NUDT13: variants seen among roughly 807,000 people sequenced by gnomAD.
NUDT13 encodes NAD(P)H pyrophosphatase NUDT13, mitochondrial.
Under a neutral mutation model 41.7 loss-of-function variants are expected in NUDT13, and 40 were observed. That is an observed-to-expected ratio of 0.96 (90% CI 0.75 to 1.25). The LOEUF (loss-of-function observed/expected upper bound fraction) is 1.25. Among genes scored for constraint, NUDT13 ranks in the 50% most tolerant of loss-of-function variants. NUDT13 has a pLI of 0.00. For synonymous variants in NUDT13, 145 were observed against 155.5 expected (o/e 0.93, Z 0.50); for missense variants, 390 against 416.1 (o/e 0.94, Z 0.55).
chr10:73,114,952 A>G (rs1039413273), intron 2 of NUDT13: 17 of 152,138 alleles, frequency 1.1e-4, no homozygotes, highest in African/African-American at 4.1e-4. Context: ...AGATTTCTAC[A>G]TGGTTGTCAA....
At chr10:73,129,220 T>C (rs1842860072) in intron 8 of NUDT13, among the ~76,000 whole-genome samples, 1 of 146,318 alleles carries the variant, frequency 6.8e-6, no homozygotes, top group Non-Finnish European at 1.5e-5. Context: ...TCGCCCAGGC[T>C]GGAGTGCAGT....
intron 2 of NUDT13, among the ~76,000 whole-genome samples, chr10:73,116,648 G>A (rs1239724022): frequency 1.3e-5 from 2 of 151,898 alleles, no homozygotes; most frequent in African/African-American, 4.8e-5. Flanking sequence ...AGGCTGAGGT[G>A]GGAGAGTCGC....
intron 8 of NUDT13, chr10:73,130,490 A>G (rs113243973): frequency 9.1e-6 from 3 of 329,342 alleles, no homozygotes; most frequent in African/African-American, 6.7e-5. Context: ...ATATATATAC[A>G]CACACACACA....
chr10:73,122,277 A>G lies in NUDT13; in HGVS notation c.326A>G (p.Asp109Gly). The G allele has an allele frequency of 6.2e-7, 1 of 1,614,082 alleles. No homozygotes were observed. Among genetic ancestry groups the G allele is most frequent in the South Asian group, 1.1e-5 (1 of 91,070 alleles). ...SEQQEAWFAL[D>G]LGLDSSFSIS... ...CAGCAGGAAGCATGGTTTGCTCTGG[A>G]TCTAGGTCTGGATAGCTCCTTTTCC... The change falls in exon 4 of 9, where the codon GAT becomes GGT. Residue 109 changes from aspartate to glycine, a missense_variant. Asp to Gly is a moderately conservative substitution (Grantham distance 94). Transcript: ENST00000357321.
At chr10:73,126,186 C>A in intron 7 of NUDT13, 1 of 253,918 alleles carries the variant, frequency 3.9e-6, no homozygotes, top group Non-Finnish European at 8.0e-6. Context: ...ATTCTTTAGG[C>A]CCCCTGCTCT....
Position 73,120,117 on chromosome 10 carries a change from T to A in NUDT13, c.183T>A (p.Thr61=), listed in dbSNP as rs147262032. 2.4e-3 allele frequency: 3,910 copies of A among 1,614,222 alleles called. 8 individuals are homozygous for A. The highest frequency in any genetic ancestry group is 6.6e-3 in the Middle Eastern group (40 of 6,062). ...LFHSLAPLLQ[T]SAHQYLAPRH... ...ATAGTCTGGCTCCTCTGCTTCAGAC[T>A]TCAGCACATCAATACCTGGCCCCCC... The change falls in exon 3 of 9, where the codon ACT becomes ACA. Residue 61 remains threonine (T), a synonymous_variant. Transcript: ENST00000357321.
intron 3 of NUDT13, among the ~76,000 whole-genome samples, 173 bp from the exon 4 acceptor site, chr10:73,122,002 T>G (rs1842655507): frequency 6.6e-6 from 1 of 152,328 alleles, no homozygotes; most frequent in Admixed American, 6.5e-5. Context: ...AAAACAGGCC[T>G]GGAGAGGTTA....
chr10:73,116,649 G>A (rs549552080), intron 2 of NUDT13, among the ~76,000 whole-genome samples: 1 of 152,050 alleles, frequency 6.6e-6, no homozygotes, highest in South Asian at 2.1e-4. Flanking sequence ...GGCTGAGGTG[G>A]GAGAGTCGCT....
chr10:73,112,267 C>T (rs1277279825), intron 1 of NUDT13, among the ~76,000 whole-genome samples: 1 of 152,054 alleles, frequency 6.6e-6, no homozygotes, highest in African/African-American at 2.4e-5. Flanking sequence ...GCAGGAGAAT[C>T]GCTTGAACCC....
At chr10:73,110,681 C>T (rs1168548029) in intron 1 of NUDT13, 114 bp downstream of exon 1, 2 of 152,082 alleles carry the variant, frequency 1.3e-5, no homozygotes, top group African/African-American at 4.8e-5. Flanking sequence ...AACATTTTAG[C>T]TTAATCTCTT....
intron 8 of NUDT13, among the ~76,000 whole-genome samples, chr10:73,129,040 C>T (rs769141892): frequency 1.2e-4 from 19 of 152,140 alleles, no homozygotes; most frequent in South Asian, 2.1e-4. Flanking sequence ...ATATAGTAGG[C>T]GCACAATCAG....
chr10:73,122,460 TATCATC>T, intron 4 of NUDT13, 151 bp downstream of exon 4: 1 of 728,122 alleles, frequency 1.4e-6, no homozygotes, highest in South Asian at 1.9e-5. Context: ...TGTCATCTGC[TATCATC>T]ATCATTTAAA....
intron 1 of NUDT13, among the ~76,000 whole-genome samples, chr10:73,113,879 T>A (rs1165332863): frequency 6.6e-6 from 1 of 152,210 alleles, no homozygotes; most frequent in Non-Finnish European, 1.5e-5. Flanking sequence ...TTACTGCCAA[T>A]GTGAGAGGTA....
chr10:73,122,074 T>G (rs2056241441), intron 3 of NUDT13, 101 bp from the exon 4 acceptor site: 3 of 1,374,760 alleles, frequency 2.2e-6, no homozygotes, highest in Non-Finnish European at 3.0e-6. Context: ...ATACCCACTT[T>G]AAGCTGAAGT....
chr10:73,130,653 A>G, intron 8 of NUDT13, 50 bp from the exon 9 acceptor site: 1 of 1,505,314 alleles, frequency 6.6e-7, no homozygotes, highest in Non-Finnish European at 9.2e-7. Context: ...ATAGTATTCT[A>G]AATTTTGTAG....
intron 4 of NUDT13, among the ~76,000 whole-genome samples, chr10:73,122,745 ATT>A (rs58913434): frequency 0.055 from 7,685 of 139,548 alleles, 608 homozygotes; most frequent in African/African-American, 0.18. Context: ...CTAATTTTTA[ATT>A]TTTTTTTTTT....
rs901821674 is a variant in NUDT13 at position 73,125,096 on chromosome 10, A to C, written c.466-22A>C. ...CCCCGCATTCTCTCCAAATGACACCAGGCCCATCATTGTGTTCCTAGGCTC... is the reference window on the plus strand; with the variant it reads ...CCCCGCATTCTCTCCAAATGACACCCGGCCCATCATTGTGTTCCTAGGCTC... On this transcript the variant is annotated intron_variant, in intron 5 of 8. Transcript: ENST00000357321. 5 of 1,596,658 alleles carry C rather than the reference A, an allele frequency of 3.1e-6. No individual in the cohort carries two copies. In the African/African-American group the frequency reaches 4.1e-5, roughly 13 times the overall value.
chr10:73,117,959 G>GT (rs1483092566), intron 2 of NUDT13, among the ~76,000 whole-genome samples: 1 of 152,248 alleles, frequency 6.6e-6, no homozygotes, highest in Non-Finnish European at 1.5e-5. Flanking sequence ...CCAGAGGAGT[G>GT]TAAGGAACTT....
At position 73,131,133 on chromosome 10, in the gene NUDT13, T is replaced by C; in HGVS notation, c.*230T>C. 1 of 416,862 alleles carries C rather than the reference T, an allele frequency of 2.4e-6. No individual in the cohort carries two copies. The highest frequency in any genetic ancestry group is 2.5e-5 in the South Asian group (1 of 39,834). The allele number at this position is 416,862 out of a possible 1,614,324, so 25.8% of individuals were successfully genotyped here. On this transcript the variant is annotated 3_prime_UTR_variant, in exon 9 of 9. Coordinates refer to ENST00000357321, the MANE Select transcript of NUDT13 (RefSeq NM_015901.6). ...AAGAAAACTGATGAGCTGTCAACTG[T>C]CAAAAATCAGGGGGAAGGGGGAAGC...
Sources: gnomAD v4.1 joint callset for allele counts (sites outside exome capture counted in the v4.1 genomes callset) on GRCh38, gnomAD v4.1.1 for gene constraint, MANE v1.5 for transcripts, NCBI Gene and HGNC (gene_info 2026-07-23, HGNC 2026-07-21) for gene names.